WDR25: variants seen among roughly 807,000 people sequenced by gnomAD.
The protein encoded by WDR25 is WD repeat domain 25.
A neutral mutation model predicts 47.7 loss-of-function variants in WDR25; 35 were observed. The ratio of observed to expected loss-of-function variants is 0.73; its 90% CI spans 0.56 to 0.97. The LOEUF is 0.97. Ranked by LOEUF, WDR25 falls within the 50% of genes least tolerant of loss-of-function variation. WDR25 has a pLI of 0.00. For synonymous variants in WDR25, 248 were observed against 278.9 expected (o/e 0.89, Z 1.10); for missense variants, 634 against 704.7 (o/e 0.90, Z 1.14).
At chr14:100,512,604 A>G (rs1210516971) in intron 4 of WDR25, among the ~76,000 whole-genome samples, 1 of 151,900 alleles carries the variant, frequency 6.6e-6, no homozygotes, top group East Asian at 1.9e-4. Context: ...TTCTTTTCCT[A>G]TCTTATTTCC....
At chr14:100,460,020 G>A (rs951953188) in intron 2 of WDR25, among the ~76,000 whole-genome samples, 1 of 148,126 alleles carries the variant, frequency 6.8e-6, no homozygotes, top group Admixed American at 6.7e-5. Flanking sequence ...CTCATTCTAT[G>A]AGGCCATGAT....
chr14:100,455,837 G>T (rs1019288503), intron 2 of WDR25, among the ~76,000 whole-genome samples: 3 of 152,140 alleles, frequency 2.0e-5, no homozygotes, highest in Non-Finnish European at 2.9e-5. Context: ...TGGCCTTCTT[G>T]TTATCTATGA....
chr14:100,524,051 G>A (rs1331395218), intron 4 of WDR25, among the ~76,000 whole-genome samples: 3 of 152,020 alleles, frequency 2.0e-5, no homozygotes, highest in Admixed American at 6.6e-5. Flanking sequence ...CCCATAACAC[G>A]GCTTGTTTCC....
intron 3 of WDR25, chr14:100,481,093 C>T (rs1345057177): frequency 2.2e-5 from 3 of 139,004 alleles, no homozygotes; most frequent in Non-Finnish European, 4.1e-5. Flanking sequence ...AATCTTCAGA[C>T]AAAAAAGTGC....
intron 2 of WDR25, among the ~76,000 whole-genome samples, chr14:100,395,979 T>G (rs1049017618): frequency 1.1e-4 from 16 of 149,396 alleles, no homozygotes; most frequent in Non-Finnish European, 2.1e-4. Context: ...AATGTTTTTT[T>G]TTTTTTTTTT....
chr14:100,483,525 G>A (rs909285140), intron 3 of WDR25, among the ~76,000 whole-genome samples: 1 of 152,056 alleles, frequency 6.6e-6, no homozygotes, highest in Non-Finnish European at 1.5e-5. Flanking sequence ...ATTATAAAGT[G>A]GCTGATTCTG....
At chr14:100,383,910 A>T (rs549659985) in intron 2 of WDR25, among the ~76,000 whole-genome samples, 1 of 152,352 alleles carries the variant, frequency 6.6e-6, no homozygotes, top group East Asian at 1.9e-4. Context: ...AGGGTGGCTC[A>T]GACTGAGGGA....
At chr14:100,465,617 C>T (rs1899603735) in intron 2 of WDR25, among the ~76,000 whole-genome samples, 1 of 152,230 alleles carries the variant, frequency 6.6e-6, no homozygotes, top group African/African-American at 2.4e-5. Flanking sequence ...CATCCATAGA[C>T]ACTTGGATTA....
rs1305505050 is a variant in WDR25, at chr14:100,498,484, C to A, written c.1101+14360C>A. ...AAGGTCGGTTTTCTGGCTCACCTCA[C>A]TCATTTGCTCATTGAACACTGCGGA... On this transcript the variant is annotated intron_variant, in intron 4 of 6. Coordinates refer to ENST00000402312, the MANE Select transcript of WDR25 (RefSeq NM_001161476.3). This position sits in a 1 kb window ranked among gnomAD's most constrained non-coding sequence, Gnocchi z 4.2. Among the ~76,000 whole-genome samples, 1 of 152,136 alleles carries A rather than the reference C, an allele frequency of 6.6e-6. No individual in the cohort carries two copies. Among genetic ancestry groups the A allele is most frequent in the Non-Finnish European group, 1.5e-5 (1 of 68,032 alleles).
At chr14:100,414,996 G>A (rs756412153) in intron 2 of WDR25, among the ~76,000 whole-genome samples, 3 of 152,098 alleles carry the variant, frequency 2.0e-5, no homozygotes, top group African/African-American at 7.2e-5. Context: ...GAGCAGCAAG[G>A]GGGCAGAGGC....
At chr14:100,390,391 CTGTGTGTGTGTGTGTGTGTG>C (rs55802109) in intron 2 of WDR25, among the ~76,000 whole-genome samples, 8 of 146,614 alleles carry the variant, frequency 5.5e-5, no homozygotes, top group African/African-American at 7.6e-5. Flanking sequence ...TGACCAAAAG[CTGTGTGTGTGTGTGTGTGTG>C]TGTGTGTGTG....
chr14:100,429,153 C>T (rs945866974), intron 2 of WDR25, among the ~76,000 whole-genome samples: 10 of 152,216 alleles, frequency 6.6e-5, no homozygotes, highest in African/African-American at 9.6e-5. Context: ...GTCCTGACTC[C>T]GTGCTCAAAG....
intron 2 of WDR25, among the ~76,000 whole-genome samples, chr14:100,385,120 C>T (rs572281304): frequency 1.3e-5 from 2 of 152,250 alleles, no homozygotes; most frequent in African/African-American, 2.4e-5. Flanking sequence ...TCTTATTTTA[C>T]GTAAGTAGCC....
At chr14:100,478,824 G>C (rs1900105753) in intron 3 of WDR25, among the ~76,000 whole-genome samples, 1 of 152,080 alleles carries the variant, frequency 6.6e-6, no homozygotes, top group Non-Finnish European at 1.5e-5. Flanking sequence ...TGGCAAGACT[G>C]TATCACTGCA....
At position 100,440,722 on chromosome 14, in the gene WDR25, G is replaced by C. The variant is rs1437307863; in HGVS notation, c.823-27299G>C. Among the ~76,000 whole-genome samples the C allele has an allele frequency of 1.3e-5, 2 of 152,142 alleles. No homozygotes were observed. The highest frequency in any genetic ancestry group is 4.8e-5 in the African/African-American group (2 of 41,422). ...GGAGAGCCAGAGCAGCAATTCTCAG[G>C]TCAGGATTATTTGGGAGATCCATAT... On this transcript the variant is annotated intron_variant, in intron 2 of 6. Transcript: ENST00000402312. The surrounding 1 kb of genome is among the most constrained non-coding windows in gnomAD (Gnocchi z 4.4).
chr14:100,414,293 C>T lies in WDR25; in HGVS notation c.822+32547C>T, dbSNP rs1293009297. Among the ~76,000 whole-genome samples, 7 of 149,394 alleles carry T rather than the reference C, an allele frequency of 4.7e-5. No individual in the cohort carries two copies. In the East Asian group the frequency reaches 8.0e-4, roughly 17 times the overall value. ...CTAGGATTACAGGCATGAGCCACCG[C>T]GCCCAGCCTAGAGGTAGTTCTTTTT... On this transcript the variant is annotated intron_variant, in intron 2 of 6. Coordinates refer to ENST00000402312, the MANE Select transcript of WDR25 (RefSeq NM_001161476.3).
intron 4 of WDR25, among the ~76,000 whole-genome samples, chr14:100,511,540 T>C (rs879569473): frequency 1.3e-5 from 2 of 152,094 alleles, no homozygotes; most frequent in Admixed American, 6.6e-5. Flanking sequence ...CTCTCTCTCA[T>C]CTATTTTCTC....
At chr14:100,469,334 AG>A (rs1204449793) in intron 3 of WDR25, among the ~76,000 whole-genome samples, 3 of 152,100 alleles carry the variant, frequency 2.0e-5, no homozygotes, top group Admixed American at 6.5e-5. Flanking sequence ...TCAGTAGGGG[AG>A]GGGACAGTAC....
chr14:100,514,021 C>T (rs750383724), intron 4 of WDR25, among the ~76,000 whole-genome samples: 1 of 151,572 alleles, frequency 6.6e-6, no homozygotes, highest in East Asian at 1.9e-4. Context: ...CTGCAAGCTC[C>T]GCCTCCCGGG....
Sources: gnomAD v4.1 joint callset for allele counts (sites outside exome capture counted in the v4.1 genomes callset) on GRCh38, gnomAD v4.1.1 for gene constraint, Gnocchi (gnomAD v3.1) non-coding constraint, MANE v1.5 for transcripts, NCBI Gene and HGNC (gene_info 2026-07-23, HGNC 2026-07-21) for gene names.